The following SALL3 variants were observed in gnomAD, a reference collection of about 807,000 sequenced individuals.
The protein encoded by SALL3 is sal-like protein 3.
In SALL3, 25 loss-of-function variants were observed where a neutral mutation model predicts 66.2. That is an observed-to-expected ratio of 0.38 (90% confidence interval 0.28 to 0.53). The LOEUF (loss-of-function observed/expected upper bound fraction) is 0.53, where lower values mean the gene tolerates loss of function less well. Among genes scored for constraint, SALL3 ranks in the 20% least tolerant of loss-of-function variants. The probability of loss-of-function intolerance (pLI) is 0.85; values close to 1 mark genes in which losing one functional copy is unlikely to be tolerated. For missense variants in SALL3, 2,194 were observed against 1,916.5 expected, an observed-to-expected ratio of 1.14 and a Z score of -2.70; for synonymous variants, 1,152 against 899.1, an observed-to-expected ratio of 1.28 and a Z score of -5.03.
At chr18:78,980,732 C>T (rs183546197) in intron 1 of SALL3, among the ~76,000 whole-genome samples, 3,978 of 151,992 alleles carry the variant, frequency 0.026, 208 homozygotes, top group African/African-American at 0.091. Flanking sequence ...AGGCCGGCGG[C>T]GGCGGGGAAG....
At position 78,994,122 on chromosome 18, in the gene SALL3, A is replaced by T; in HGVS notation, c.2131A>T (p.Ile711Phe). 6.2e-7 allele frequency: 1 copy of T among 1,612,934 alleles called. No individual in the cohort carries two copies. The highest frequency in any genetic ancestry group is 2.2e-5 in the East Asian group (1 of 44,876). Residue 711 changes from isoleucine (I) to phenylalanine (F), a missense_variant, in exon 2 of 3, where the codon ATC becomes TTC. Ile to Phe is a conservative substitution (Grantham distance 21). Transcript: ENST00000537592. ...GGGGGAGCGGCCGTTCAAGTGCAAG[A>T]TCTGCGGCCGCGCCTTCACCACCAA... is the stretch of plus-strand genomic sequence containing the variant. ...HTGERPFKCKICGRAFTTKGN... is the reference protein window; with the variant it reads ...HTGERPFKCKFCGRAFTTKGN...
chr18:78,993,294 C>G lies in SALL3; in HGVS notation c.1303C>G (p.Leu435Val). 1 of 1,611,736 alleles carries G rather than the reference C, an allele frequency of 6.2e-7. No homozygotes were observed. The highest frequency in any genetic ancestry group is 8.5e-7 in the Non-Finnish European group (1 of 1,179,806). The change falls in exon 2 of 3, where the codon CTC becomes GTC. Residue 435 changes from leucine (L) to valine (V), a missense_variant. Coordinates refer to ENST00000537592, the MANE Select transcript of SALL3 (RefSeq NM_171999.4). ...CAKVFGSDSA[L>V]QIHLRSHTGE... ...CAAGGTCTTCGGCAGCGACAGCGCG[C>G]TCCAGATCCACCTGCGCTCGCACAC...
At chr18:78,982,131 T>C (rs911815462) in intron 1 of SALL3, among the ~76,000 whole-genome samples, 1 of 152,240 alleles carries the variant, frequency 6.6e-6, no homozygotes, top group Non-Finnish European at 1.5e-5. Context: ...TGCTATTCAT[T>C]TTTAATTTCA....
Position 78,995,065 on chromosome 18 carries a change from T to C in SALL3, c.3074T>C (p.Leu1025Pro), listed in dbSNP as rs771592872. ...ATGGGTAATTTAAAACAGCACTTAC[T>C]GACACACAGATTGAAAGAGCTGCCT... ...STMGNLKQHL[L>P]THRLKELPSQ... The change falls in exon 2 of 3, where the codon CTG becomes CCG. Residue 1025 changes from leucine to proline, a missense_variant. By Grantham distance (98) the Leu-to-Pro change is moderately conservative (BLOSUM62 -3). Transcript: ENST00000537592. 7.4e-6 allele frequency: 12 copies of C among 1,613,868 alleles called. No homozygotes were observed. In the Middle Eastern group the frequency reaches 4.9e-4, roughly 67 times the overall value.
At chr18:78,989,112 G>A (rs1008541737) in intron 1 of SALL3, among the ~76,000 whole-genome samples, 1 of 152,026 alleles carries the variant, frequency 6.6e-6, no homozygotes, top group African/African-American at 2.4e-5. Context: ...ACTTATAATT[G>A]CTTTAAACAA....
At chr18:78,982,446 A>C (rs1174981052) in intron 1 of SALL3, among the ~76,000 whole-genome samples, 1 of 152,228 alleles carries the variant, frequency 6.6e-6, no homozygotes, top group Non-Finnish European at 1.5e-5. Flanking sequence ...TTGGTCGAGC[A>C]GCTCACATGC....
rs1914663866 is a variant in SALL3 at position 78,995,601 on chromosome 18, T to G, written c.3471+139T>G. The G allele has an allele frequency of 5.9e-6, 8 of 1,355,024 alleles. No homozygotes were observed. The East Asian group carries it at 1.8e-4, about 30-fold the overall frequency. 83.9% of individuals were successfully genotyped at this position (1,355,024 alleles called of 1,614,324 possible). A position where few individuals can be genotyped will look rare whatever the true frequency, so the allele number is the denominator to read the frequency against. On this transcript the variant is annotated intron_variant, in intron 2 of 2. Coordinates refer to ENST00000537592, the MANE Select transcript of SALL3 (RefSeq NM_171999.4). Reference sequence around the variant, plus strand: ...GGGTGAGATGCCACGCCTGTGGGTGTGTGTGCGTGATGTGTGCGTGTTATA... The same window carrying G: ...GGGTGAGATGCCACGCCTGTGGGTGGGTGTGCGTGATGTGTGCGTGTTATA...
At chr18:78,984,434 TTTTTTG>T (rs1394034799) in intron 1 of SALL3, among the ~76,000 whole-genome samples, 6 of 152,104 alleles carry the variant, frequency 3.9e-5, no homozygotes, top group Non-Finnish European at 5.9e-5. Flanking sequence ...ACAGGAAGGA[TTTTTTG>T]TTTTTATTAG....
intron 1 of SALL3, among the ~76,000 whole-genome samples, chr18:78,981,893 C>A (rs973151288): frequency 6.6e-6 from 1 of 152,144 alleles, no homozygotes; most frequent in Non-Finnish European, 1.5e-5. Context: ...GACAGTCTTT[C>A]CTTCAAAAGA....
chr18:78,980,955 G>A (rs1245442799), intron 1 of SALL3, among the ~76,000 whole-genome samples: 1 of 152,234 alleles, frequency 6.6e-6, no homozygotes, highest in Non-Finnish European at 1.5e-5. Flanking sequence ...ATTAAGCTGG[G>A]GGTGAGCGCA....
chr18:78,993,520 C>T lies in SALL3; in HGVS notation c.1529C>T (p.Thr510Ile). Residue 510 changes from threonine to isoleucine, a missense_variant, in exon 2 of 3, where the codon ACC becomes ATC. Thr to Ile is a moderately conservative substitution (Grantham distance 89, BLOSUM62 -1). Transcript: ENST00000537592. ...TCGCTGCCCCCCGAGAAGCCCGTGA[C>T]CACCTGGCTGGACAGCAAGCCCGTG... is the stretch of plus-strand genomic sequence containing the variant. Reference protein sequence around the residue: ...GMSLPPEKPVTTWLDSKPVLP... With the variant: ...GMSLPPEKPVITWLDSKPVLP... 1 of 1,599,780 alleles carries T rather than the reference C, an allele frequency of 6.3e-7. No individual in the cohort carries two copies. Among genetic ancestry groups the T allele is most frequent in the Non-Finnish European group, 8.5e-7 (1 of 1,175,344 alleles).
Position 78,993,123 on chromosome 18 carries a change from G to C in SALL3, c.1132G>C (p.Val378Leu). 6.2e-7 allele frequency: 1 copy of C among 1,605,380 alleles called. No homozygotes were observed. Among genetic ancestry groups the C allele is most frequent in the Non-Finnish European group, 8.5e-7 (1 of 1,177,800 alleles). The change falls in exon 2 of 3, where the codon GTC becomes CTC. Residue 378 changes from valine (V) to leucine (L), a missense_variant. Val to Leu is a conservative substitution (Grantham distance 32). Coordinates refer to ENST00000537592, the MANE Select transcript of SALL3 (RefSeq NM_171999.4). Reference sequence around the variant, plus strand: ...CGGCGTCATCTTCCCCAACCCGCTGGTCAGCATCGCGGCCACGGCCAACGC... The same window carrying C: ...CGGCGTCATCTTCCCCAACCCGCTGCTCAGCATCGCGGCCACGGCCAACGC... Reference protein sequence around the residue: ...ASGVIFPNPLVSIAATANALD... With the variant: ...ASGVIFPNPLLSIAATANALD...
intron 1 of SALL3, among the ~76,000 whole-genome samples, chr18:78,982,200 C>T (rs995036417): frequency 1.3e-5 from 2 of 152,162 alleles, no homozygotes; most frequent in African/African-American, 4.8e-5. Flanking sequence ...GCTATATCGC[C>T]TATATTTGAA....
intron 1 of SALL3, 30 bp downstream of exon 1, chr18:78,980,386 G>A (rs1913985393): frequency 5.9e-6 from 8 of 1,357,314 alleles, no homozygotes; most frequent in African/African-American, 1.5e-5. Flanking sequence ...GGTGGCCGGG[G>A]GGTCTGGGGC....
chr18:78,983,618 G>T (rs1914147820), intron 1 of SALL3, among the ~76,000 whole-genome samples: 1 of 152,156 alleles, frequency 6.6e-6, no homozygotes, highest in Non-Finnish European at 1.5e-5. Context: ...TTCACAGACT[G>T]TGTTTGAATT....
chr18:78,996,037 C>T (rs1443037364), intron 2 of SALL3, among the ~76,000 whole-genome samples: 1 of 152,140 alleles, frequency 6.6e-6, no homozygotes, highest in Admixed American at 6.5e-5. Context: ...TTTTAAAACT[C>T]ACATGTAATA....
Position 78,997,332 on chromosome 18 carries a change from C to G in SALL3, c.*10C>G. The G allele has an allele frequency of 6.2e-7, 1 of 1,608,346 alleles. No individual in the cohort carries two copies. Among genetic ancestry groups the G allele is most frequent in the Non-Finnish European group, 8.5e-7 (1 of 1,176,404 alleles). The stretch of plus-strand genomic sequence containing the variant: ...GATTGGTATCAACTAGCCAGTGACT[C>G]GCTCATCTGCCCTGCCCAGGCCCAC... On this transcript the variant is annotated 3_prime_UTR_variant, in exon 3 of 3. Coordinates refer to ENST00000537592, the MANE Select transcript of SALL3 (RefSeq NM_171999.4).
chr18:78,987,984 G>A (rs1296908516), intron 1 of SALL3, among the ~76,000 whole-genome samples: 2 of 152,184 alleles, frequency 1.3e-5, no homozygotes, highest in Non-Finnish European at 2.9e-5. Flanking sequence ...CTTAAACAAA[G>A]AGAGGAAGAA....
intron 1 of SALL3, among the ~76,000 whole-genome samples, chr18:78,981,952 C>G (rs546403211): frequency 6.6e-6 from 1 of 152,162 alleles, no homozygotes; most frequent in African/African-American, 2.4e-5. Flanking sequence ...TATTGTGGCT[C>G]CTGAATGGCT....
Sources: allele counts gnomAD v4.1 joint callset (sites outside exome capture counted in the v4.1 genomes callset), GRCh38; gene constraint gnomAD v4.1.1; transcripts MANE v1.5; gene names NCBI Gene and HGNC (gene_info 2026-07-23, HGNC 2026-07-21).